JAKMIP2: variants seen among roughly 807,000 people sequenced by gnomAD.
The protein encoded by JAKMIP2 is janus kinase and microtubule interacting protein 2.
A neutral mutation model predicts 115.0 loss-of-function variants in JAKMIP2; 25 were observed. That is an observed-to-expected ratio of 0.22 (90% CI 0.16 to 0.30). JAKMIP2 has a LOEUF of 0.30. JAKMIP2 is among the 10% of genes least tolerant of loss of function. The pLI, the probability that JAKMIP2 is intolerant of heterozygous loss-of-function variation, is 1.00. For synonymous variants in JAKMIP2, 334 were observed against 343.6 expected (o/e 0.97, Z 0.31); for missense variants, 642 against 957.6 (o/e 0.67, Z 4.35).
intron 1 of JAKMIP2, among the ~76,000 whole-genome samples, chr5:147,752,415 T>C (rs1754591482): frequency 6.6e-6 from 1 of 152,176 alleles, no homozygotes; most frequent in Admixed American, 6.5e-5. Context: ...CTGACTATAA[T>C]ACAATGACCC....
intron 3 of JAKMIP2, chr5:147,660,579 A>G (rs1484262828): frequency 5.1e-6 from 2 of 388,920 alleles, no homozygotes; most frequent in African/African-American, 4.2e-5. Context: ...GCCCACAAAA[A>G]CATGCTGACT....
intron 1 of JAKMIP2, among the ~76,000 whole-genome samples, chr5:147,743,987 CTTCCTAACTTCT>C (rs1754247031): frequency 7.0e-6 from 1 of 142,240 alleles, no homozygotes; most frequent in Non-Finnish European, 1.5e-5. Context: ...CCCTTCCTTC[CTTCCTAACTTCT>C]TTCCTTCCTT....
Position 147,672,468 on chromosome 5 carries a change from A to T in JAKMIP2, c.-148-514T>A, listed in dbSNP as rs576593384. Among the ~76,000 whole-genome samples the T allele has an allele frequency of 1.1e-4, 16 of 152,350 alleles. No homozygotes were observed. In the South Asian group the frequency reaches 3.3e-3, roughly 32 times the overall value. Reference sequence around the variant, plus strand: ...CACTCATATATTCATTCATTCATTCAATCAGTCAATATTGTTAGAGCTCTT... The same window carrying T: ...CACTCATATATTCATTCATTCATTCTATCAGTCAATATTGTTAGAGCTCTT... On this transcript the variant is annotated intron_variant, in intron 1 of 21. Coordinates refer to ENST00000616793, the MANE Select transcript of JAKMIP2 (RefSeq NM_001270941.2).
intron 21 of JAKMIP2, among the ~76,000 whole-genome samples, chr5:147,599,215 G>T (rs1191646626): frequency 6.6e-6 from 1 of 151,980 alleles, no homozygotes; most frequent in Non-Finnish European, 1.5e-5. Flanking sequence ...GATTTTCCAG[G>T]CACTGTTATG....
intron 1 of JAKMIP2, among the ~76,000 whole-genome samples, chr5:147,777,259 T>C (rs908630237): frequency 6.6e-6 from 1 of 152,214 alleles, no homozygotes; most frequent in African/African-American, 2.4e-5. Flanking sequence ...AAGCAGGATC[T>C]ATCTGTATCA....
At chr5:147,631,568 C>T in intron 13 of JAKMIP2, 57 bp from the exon 14 acceptor site, 1 of 1,114,114 alleles carries the variant, frequency 9.0e-7, no homozygotes, top group South Asian at 1.3e-5. Context: ...TAATTAAACA[C>T]TAAACCAGTG....
Position 147,590,233 on chromosome 5 carries a change from T to C in JAKMIP2, c.*1474A>G, listed in dbSNP as rs541915008. On this transcript the variant is annotated 3_prime_UTR_variant, in exon 22 of 22. Transcript: ENST00000616793. Reference sequence around the variant, plus strand: ...GAAAGAGTTTCTGGCTCCCTACACATATTCTCTATGCATGGGAATTCTAGC... The same window carrying C: ...GAAAGAGTTTCTGGCTCCCTACACACATTCTCTATGCATGGGAATTCTAGC... The C allele has an allele frequency of 8.5e-5, 13 of 152,364 alleles. No homozygotes were observed. Among genetic ancestry groups the C allele is most frequent in the African/African-American group, 3.1e-4 (13 of 41,590 alleles). The allele number at this position is 152,364 out of a possible 1,614,324, so 9.4% of individuals were successfully genotyped here. A position where few individuals can be genotyped will look rare whatever the true frequency, so the allele number is the denominator to read the frequency against.
rs540570204 is a variant in JAKMIP2 at position 147,752,959 on chromosome 5, A to G, written c.-149+29497T>C. Among the ~76,000 whole-genome samples, 26 of 152,264 alleles carry G rather than the reference A, an allele frequency of 1.7e-4. No individual in the cohort carries two copies. The South Asian group carries it at 4.6e-3, about 27-fold the overall frequency. On this transcript the variant is annotated intron_variant, in intron 1 of 21. Coordinates refer to ENST00000616793, the MANE Select transcript of JAKMIP2 (RefSeq NM_001270941.2). Reference sequence around the variant, plus strand: ...AATGTTCAGTTTAAAATGCCTTTTTATAGGGCCTCTCTGTTGTTATTTTCT... The same window carrying G: ...AATGTTCAGTTTAAAATGCCTTTTTGTAGGGCCTCTCTGTTGTTATTTTCT...
At chr5:147,607,336 G>C (rs573530055) in intron 20 of JAKMIP2, among the ~76,000 whole-genome samples, 1 of 152,214 alleles carries the variant, frequency 6.6e-6, no homozygotes, top group South Asian at 2.1e-4. Flanking sequence ...TTATTATTTT[G>C]AGATATGTTC....
At chr5:147,639,571 G>A in intron 10 of JAKMIP2, 61 bp downstream of exon 10, 4 of 1,539,252 alleles carry the variant, frequency 2.6e-6, no homozygotes, top group Non-Finnish European at 3.5e-6. Flanking sequence ...TATGTCCACA[G>A]TGCTTTTATG....
intron 18 of JAKMIP2, 55 bp from the exon 19 acceptor site, chr5:147,618,169 G>A: frequency 9.7e-7 from 1 of 1,030,382 alleles, no homozygotes; most frequent in Non-Finnish European, 1.4e-6. Context: ...GATATCTGGT[G>A]TGGGAGTGTA....
intron 1 of JAKMIP2, among the ~76,000 whole-genome samples, chr5:147,777,008 T>A (rs1050552582): frequency 6.6e-6 from 1 of 152,138 alleles, no homozygotes; most frequent in African/African-American, 2.4e-5. Context: ...AAAACTAACA[T>A]GAATCTGAAA....
chr5:147,596,835 C>T (rs1755412933), intron 21 of JAKMIP2, among the ~76,000 whole-genome samples: 1 of 152,026 alleles, frequency 6.6e-6, no homozygotes, highest in African/African-American at 2.4e-5. Flanking sequence ...TTTCCTTATC[C>T]ATGTAAAAAC....
chr5:147,728,910 G>C (rs1247893369), intron 1 of JAKMIP2, among the ~76,000 whole-genome samples: 2 of 152,166 alleles, frequency 1.3e-5, no homozygotes, highest in African/African-American at 4.8e-5. Context: ...AGCAATGCTG[G>C]AAAGTGTCAG....
At chr5:147,601,279 G>A (rs1298201396) in intron 21 of JAKMIP2, among the ~76,000 whole-genome samples, 1 of 152,156 alleles carries the variant, frequency 6.6e-6, no homozygotes, top group Admixed American at 6.6e-5. Flanking sequence ...CAAAGCAAGT[G>A]TGTTTGTATT....
At chr5:147,669,901 G>C (rs576843197) in intron 2 of JAKMIP2, among the ~76,000 whole-genome samples, 86 of 152,226 alleles carry the variant, frequency 5.6e-4, no homozygotes, top group African/African-American at 1.8e-3. Context: ...CAGGAATCTC[G>C]ATATTTAATC....
chr5:147,603,705 A>G (rs1282406953), intron 20 of JAKMIP2, among the ~76,000 whole-genome samples: 1 of 152,192 alleles, frequency 6.6e-6, no homozygotes, highest in African/African-American at 2.4e-5. Context: ...TGATAATTAG[A>G]TCCTTATTTT....
chr5:147,727,722 A>G (rs1753574917), intron 1 of JAKMIP2, among the ~76,000 whole-genome samples: 1 of 152,210 alleles, frequency 6.6e-6, no homozygotes, highest in Non-Finnish European at 1.5e-5. Context: ...AAGGAGTACT[A>G]CGGTTAAAAG....
intron 11 of JAKMIP2, chr5:147,636,530 C>T: frequency 1.7e-6 from 1 of 583,496 alleles, no homozygotes; most frequent in South Asian, 2.2e-5. Flanking sequence ...AATCCAGGAC[C>T]AGCCTTCTGG....
Sources: allele counts gnomAD v4.1 joint callset (sites outside exome capture counted in the v4.1 genomes callset), GRCh38; gene constraint gnomAD v4.1.1; transcripts MANE v1.5; gene names NCBI Gene and HGNC (gene_info 2026-07-23, HGNC 2026-07-21).